The following CPEB2 variants were observed in gnomAD, a reference collection of about 807,000 sequenced individuals.
CPEB2 encodes cytoplasmic polyadenylation element binding protein 2, also known as cytoplasmic polyadenylation element-binding protein 2.
In CPEB2, 56 loss-of-function variants were observed where a neutral mutation model predicts 93.6. The ratio of observed to expected loss-of-function variants is 0.60; its 90% CI spans 0.48 to 0.75. The LOEUF (loss-of-function observed/expected upper bound fraction) is 0.75. CPEB2 is among the 30% of genes least tolerant of loss of function. CPEB2 has a pLI of 0.00. For synonymous variants in CPEB2, 764 were observed against 586.3 expected (o/e 1.30, Z -4.38); for missense variants, 1,579 against 1,395.1 (o/e 1.13, Z -2.10).
chr4:15,019,153 C>A lies in CPEB2; in HGVS notation c.2125+1875C>A, dbSNP rs537561953. Among the ~76,000 whole-genome samples, 56 of 151,098 alleles carry A rather than the reference C, an allele frequency of 3.7e-4. 1 individual carries two copies. Among genetic ancestry groups the A allele is most frequent in the African/African-American group, 1.3e-3 (55 of 41,292 alleles). The stretch of plus-strand genomic sequence containing the variant: ...TTACACAAAACGTGGAATATTTTAT[C>A]TTCCACGTGTTTTATGACGGAATTT... On this transcript the variant is annotated intron_variant, in intron 4 of 11. Coordinates refer to ENST00000538197, the MANE Select transcript of CPEB2 (RefSeq NM_001177382.2).
chr4:15,041,697 G>GATGGCCA (rs1339652098), intron 6 of CPEB2, among the ~76,000 whole-genome samples: 4 of 152,050 alleles, frequency 2.6e-5, no homozygotes. Context: ...GCCACCTATA[G>GATGGCCA]ACATGTGCCA....
chr4:15,058,441 C>G lies in CPEB2; in HGVS notation c.2482C>G (p.Gln828Glu). The change falls in exon 9 of 12, where the codon CAA (glutamine) becomes GAA (glutamate). Residue 828 changes from glutamine to glutamate, a missense_variant. Around this residue, in one of 2 missense-constraint regions of CPEB2, gnomAD observed 168 missense variants for 339.1 expected, o/e 0.50. Transcript: ENST00000538197. ...PPKGYAFLLF[Q>E]EESSVQALID... ...TCCAGGCTATGCATTTCTTCTCTTT[C>G]AAGAAGAGAGCTCAGTTCAGGCACT... 6.2e-7 allele frequency: 1 copy of G among 1,604,454 alleles called. No homozygotes were observed. Among genetic ancestry groups the G allele is most frequent in the South Asian group, 1.1e-5 (1 of 90,602 alleles).
chr4:15,006,111 A>G (rs2108947809), intron 1 of CPEB2, among the ~76,000 whole-genome samples: 1 of 152,322 alleles, frequency 6.6e-6, no homozygotes, highest in African/African-American at 2.4e-5. Flanking sequence ...ATCATTTAAT[A>G]AGGAGAGTAA....
chr4:15,029,118 T>C (rs1253579782), intron 4 of CPEB2, among the ~76,000 whole-genome samples: 4 of 152,082 alleles, frequency 2.6e-5, no homozygotes, highest in African/African-American at 9.7e-5. Flanking sequence ...AAATCGTCTC[T>C]AGATTACTTA....
chr4:15,052,366 T>C (rs1728310342), intron 6 of CPEB2, 48 bp from the exon 7 acceptor site: 1 of 1,230,894 alleles, frequency 8.1e-7, no homozygotes, highest in Non-Finnish European at 1.1e-6. Flanking sequence ...CTTAAATTTA[T>C]CATTTTCTCA....
chr4:15,045,438 ATT>A (rs1292085895), intron 6 of CPEB2, among the ~76,000 whole-genome samples: 1 of 152,086 alleles, frequency 6.6e-6, no homozygotes, highest in Non-Finnish European at 1.5e-5. Context: ...ATACATTTTA[ATT>A]TAGACTCATG....
Position 15,069,084 on chromosome 4 carries a change from A to G in CPEB2, c.*2704A>G, listed in dbSNP as rs970478299. 2.6e-5 allele frequency: 4 copies of G among 152,040 alleles called. No homozygotes were observed. In the Admixed American group the frequency reaches 2.6e-4, roughly 10 times the overall value. 9.4% of individuals were successfully genotyped at this position (152,040 alleles called of 1,614,324 possible). A position where few individuals can be genotyped will look rare whatever the true frequency, so the allele number is the denominator to read the frequency against. ...AAAAGCTTCTTCACTTGTGTTCCCT[A>G]AATATTCATATTGCTGCCCAAAAGT... On this transcript the variant is annotated 3_prime_UTR_variant, in exon 12 of 12. Coordinates refer to ENST00000538197, the MANE Select transcript of CPEB2 (RefSeq NM_001177382.2).
rs1000328073 is a variant in CPEB2, at chr4:15,068,332, T to G, written c.*1952T>G. On this transcript the variant is annotated 3_prime_UTR_variant, in exon 12 of 12. Coordinates refer to ENST00000538197, the MANE Select transcript of CPEB2 (RefSeq NM_001177382.2). ...AGTTGATGCTGTTTTCAGAAGAGCT[T>G]TTTACTAATTTATTTGTCAGTGTTC... 1 of 152,328 alleles carries G rather than the reference T, an allele frequency of 6.6e-6. No individual in the cohort carries two copies. Among genetic ancestry groups the G allele is most frequent in the Non-Finnish European group, 1.5e-5 (1 of 67,878 alleles). The allele number at this position is 152,328 out of a possible 1,614,324, so 9.4% of individuals were successfully genotyped here. A position where few individuals can be genotyped will look rare whatever the true frequency, so the allele number is the denominator to read the frequency against.
intron 7 of CPEB2, among the ~76,000 whole-genome samples, chr4:15,053,026 T>TA (rs202141220): frequency 0.14 from 20,489 of 151,372 alleles, 2,359 homozygotes; most frequent in South Asian, 0.32. Flanking sequence ...TTTATTTATT[T>TA]TTTTTTTTGA....
At chr4:15,006,865 C>T (rs1041230479) in intron 1 of CPEB2, among the ~76,000 whole-genome samples, 1 of 152,156 alleles carries the variant, frequency 6.6e-6, no homozygotes, top group Non-Finnish European at 1.5e-5. Flanking sequence ...CTATATATTT[C>T]ACTTGTATGA....
Position 15,007,572 on chromosome 4 carries a change from C to T in CPEB2, c.1930C>T (p.Leu644Phe), listed in dbSNP as rs1355860570. The change falls in exon 2 of 12, where the codon CTC becomes TTC. Residue 644 changes from leucine (L) to phenylalanine (F), a missense_variant. Around this residue, in one of 2 missense-constraint regions of CPEB2, gnomAD observed 1,411 missense variants for 1,056.0 expected, o/e 1.34. Transcript: ENST00000538197. ...VFRTDNNSNT[L>F]LPLQVRSSLQ... The stretch of plus-strand genomic sequence containing the variant: ...CAGAACAGACAACAATAGTAATACA[C>T]TCTTACCCTTACAGGTAAGAATGGT... The T allele has an allele frequency of 1.3e-6, 2 of 1,585,614 alleles. No individual in the cohort carries two copies. The highest frequency in any genetic ancestry group is 1.1e-5 in the South Asian group (1 of 87,536).
chr4:15,007,594 TG>T lies in CPEB2; in HGVS notation c.1944+10del, dbSNP rs773724399. 2.0e-6 allele frequency: 3 copies of T among 1,538,276 alleles called. No individual in the cohort carries two copies. In the East Asian group the frequency reaches 7.0e-5, roughly 36 times the overall value. ...ACACTCTTACCCTTACAGGTAAGAATGGTATGTAAATGACCTTATCTCTAAT... is the reference window on the plus strand; with the variant it reads ...ACACTCTTACCCTTACAGGTAAGAATGTATGTAAATGACCTTATCTCTAAT... On this transcript the variant is annotated intron_variant, in intron 2 of 11. Transcript: ENST00000538197.
At chr4:15,030,559 C>G (rs957719238) in intron 4 of CPEB2, among the ~76,000 whole-genome samples, 1 of 151,848 alleles carries the variant, frequency 6.6e-6, no homozygotes, top group South Asian at 2.1e-4. Context: ...AGGTTTTTAG[C>G]GAAAGTACTT....
chr4:15,010,165 C>T (rs753175667), intron 3 of CPEB2, among the ~76,000 whole-genome samples: 10 of 152,140 alleles, frequency 6.6e-5, no homozygotes, highest in Non-Finnish European at 1.5e-4. Flanking sequence ...TCCTCTTCCT[C>T]ATAATCTTTA....
At chr4:15,045,533 A>G (rs1011966625) in intron 6 of CPEB2, among the ~76,000 whole-genome samples, 7 of 152,172 alleles carry the variant, frequency 4.6e-5, no homozygotes, top group South Asian at 2.1e-4. Context: ...TTTCATAACA[A>G]TGCAGAGAAA....
At position 15,067,449 on chromosome 4, in the gene CPEB2, TA is replaced by T. The variant is rs1260344283; in HGVS notation, c.*1070del. The T allele has an allele frequency of 6.6e-6, 1 of 152,448 alleles. No individual in the cohort carries two copies. The highest frequency in any genetic ancestry group is 2.4e-5 in the African/African-American group (1 of 41,410). The allele number at this position is 152,448 out of a possible 1,614,324, so 9.4% of individuals were successfully genotyped here. A position where few individuals can be genotyped will look rare whatever the true frequency, so the allele number is the denominator to read the frequency against. On this transcript the variant is annotated 3_prime_UTR_variant, in exon 12 of 12. Transcript: ENST00000538197. ...TGCGGTTCTAATTCATGTGCAGTGA[TA>T]TAGTATAGATAAAAGAATGAGTAAA...
At position 15,002,576 on chromosome 4, in the gene CPEB2, C is replaced by A. The variant is rs906203075; in HGVS notation, c.-98C>A. ...ACGGTGTCCCTCTCTCACTGACTCC[C>A]CCTCCTTCCACCACGGCCGCGCAAC... On this transcript the variant is annotated 5_prime_UTR_variant, in exon 1 of 12. Transcript: ENST00000538197. 10 of 997,640 alleles carry A rather than the reference C, an allele frequency of 1.0e-5. No homozygotes were observed. The African/African-American group carries it at 1.5e-4, about 15-fold the overall frequency. The allele number at this position is 997,640 out of a possible 1,614,324, so 61.8% of individuals were successfully genotyped here.
At chr4:15,043,965 A>G (rs1196598273) in intron 6 of CPEB2, among the ~76,000 whole-genome samples, 3 of 152,198 alleles carry the variant, frequency 2.0e-5, no homozygotes, top group African/African-American at 7.2e-5. Context: ...ACTGCTTTGA[A>G]GTTGATCCAG....
intron 4 of CPEB2, among the ~76,000 whole-genome samples, chr4:15,024,980 T>G (rs1006402759): frequency 2.6e-5 from 4 of 151,910 alleles, no homozygotes; most frequent in African/African-American, 9.7e-5. Context: ...CTCCTGACTT[T>G]GTGATCTGCC....
Sources: allele counts gnomAD v4.1 joint callset (sites outside exome capture counted in the v4.1 genomes callset), GRCh38; gene constraint gnomAD v4.1.1; regional missense constraint gnomAD v4.1.1; transcripts MANE v1.5; gene names NCBI Gene and HGNC (gene_info 2026-07-23, HGNC 2026-07-21).